Variants in STRN observed in about 807,000 individuals in gnomAD.
STRN encodes the protein striatin.
STRN carries 53 observed loss-of-function variants against 96.3 expected under a neutral mutation model. The observed-to-expected ratio is 0.55, with a 90% CI of 0.44 to 0.69. The LOEUF is 0.69. Ranked by LOEUF, STRN falls within the 30% of genes least tolerant of loss-of-function variation. The pLI is 0.00. For synonymous variants in STRN, 428 were observed against 355.9 expected, an observed-to-expected ratio of 1.20 and a Z score of -2.28; for missense variants, 987 against 963.9, an observed-to-expected ratio of 1.02 and a Z score of -0.32.
intron 1 of STRN, among the ~76,000 whole-genome samples, chr2:36,949,556 C>G (rs1664701273): frequency 6.6e-6 from 1 of 152,040 alleles, no homozygotes; most frequent in Non-Finnish European, 1.5e-5. Context: ...ATGAGGTAAC[C>G]AGGGAAGAAG....
intron 13 of STRN, among the ~76,000 whole-genome samples, chr2:36,860,276 G>A (rs1226890676): frequency 6.6e-6 from 1 of 152,134 alleles, no homozygotes; most frequent in East Asian, 1.9e-4. Context: ...GACTGGCCTA[G>A]GACAGAATGA....
At chr2:36,946,138 G>T (rs1320775072) in intron 1 of STRN, among the ~76,000 whole-genome samples, 1 of 151,220 alleles carries the variant, frequency 6.6e-6, no homozygotes, top group Admixed American at 6.6e-5. Flanking sequence ...ATTTCCAGTT[G>T]ATTTTTTTCT....
chr2:36,934,630 C>G (rs1037933546), intron 1 of STRN, among the ~76,000 whole-genome samples: 1 of 152,212 alleles, frequency 6.6e-6, no homozygotes, highest in African/African-American at 2.4e-5. Context: ...AACATTCAGT[C>G]TTTATGTATA....
intron 1 of STRN, among the ~76,000 whole-genome samples, chr2:36,928,084 T>TC (rs1558656845): frequency 1.3e-5 from 2 of 152,158 alleles, no homozygotes; most frequent in East Asian, 1.9e-4. Flanking sequence ...ACCTTTTTTT[T>TC]CTCTAGGAAA....
chr2:36,903,521 A>G (rs1453481802), intron 4 of STRN, among the ~76,000 whole-genome samples: 1 of 152,040 alleles, frequency 6.6e-6, no homozygotes, highest in African/African-American at 2.4e-5. Flanking sequence ...CAAAAGTGGC[A>G]GTGGGAAGAC....
intron 1 of STRN, among the ~76,000 whole-genome samples, chr2:36,925,910 T>C (rs1670397152): frequency 6.6e-6 from 1 of 152,244 alleles, no homozygotes; most frequent in Non-Finnish European, 1.5e-5. Context: ...TCAGTTCTTA[T>C]AATCCCCTTG....
Position 36,893,977 on chromosome 2 carries a change from A to T in STRN, c.852T>A (p.Ala284=). 6.2e-7 allele frequency: 1 copy of T among 1,613,518 alleles called. No homozygotes were observed. Among genetic ancestry groups the T allele is most frequent in the Non-Finnish European group, 8.5e-7 (1 of 1,179,828 alleles). The change falls in exon 7 of 18, where the codon GCT becomes GCA. Residue 284 remains alanine (A), a synonymous_variant. Transcript: ENST00000263918. ...TAACCAAGAAGTCAAACTCCTTTAG[A>T]GCTTCTTTTGTATCTCGATCTTCAC... ...DSGEDRDTKE[A]LKEFDFLVTS... is the part of the protein sequence containing the mutation.
At chr2:36,902,498 C>T in intron 5 of STRN, 86 bp downstream of exon 5, 6 of 1,070,664 alleles carry the variant, frequency 5.6e-6, no homozygotes, top group Admixed American at 2.8e-5. Flanking sequence ...ATGTCACTAC[C>T]TAAAAGTACA....
intron 3 of STRN, among the ~76,000 whole-genome samples, chr2:36,906,315 T>C (rs1389761475): frequency 2.0e-5 from 3 of 151,550 alleles, no homozygotes; most frequent in African/African-American, 7.3e-5. Flanking sequence ...AAAAATTATC[T>C]GGGCATAGTG....
rs749769439 is a variant in STRN at position 36,916,060 on chromosome 2, C to G, written c.412+18G>C. Reference sequence around the variant, plus strand: ...TAACTTCTTTTTAACACTTAAACTTCCATTAAAATTAGCTTACCAGAATCA... The same window carrying G: ...TAACTTCTTTTTAACACTTAAACTTGCATTAAAATTAGCTTACCAGAATCA... On this transcript the variant is annotated intron_variant, in intron 3 of 17. Coordinates refer to ENST00000263918, the MANE Select transcript of STRN (RefSeq NM_003162.4). The G allele has an allele frequency of 3.1e-6, 5 of 1,599,750 alleles. No homozygotes were observed. The Admixed American group carries it at 6.7e-5, about 21-fold the overall frequency.
At chr2:36,898,690 T>G (rs895666201) in intron 6 of STRN, among the ~76,000 whole-genome samples, 1 of 152,208 alleles carries the variant, frequency 6.6e-6, no homozygotes, top group African/African-American at 2.4e-5. Flanking sequence ...ACACAAATAG[T>G]GGCAGAACTG....
intron 14 of STRN, among the ~76,000 whole-genome samples, chr2:36,855,571 C>G (rs1439186944): frequency 1.3e-5 from 2 of 152,118 alleles, no homozygotes; most frequent in Non-Finnish European, 2.9e-5. Context: ...AGATCTTCTA[C>G]CTGTTACTCA....
At chr2:36,924,355 CAAAAAAAAAA>C (rs143310395) in intron 2 of STRN, among the ~76,000 whole-genome samples, 1 of 103,324 alleles carries the variant, frequency 9.7e-6, no homozygotes, top group African/African-American at 3.5e-5. Flanking sequence ...GACTCCGTTT[CAAAAAAAAAA>C]AAAAAAAAGT....
At chr2:36,913,225 G>A (rs1572669759) in intron 3 of STRN, among the ~76,000 whole-genome samples, 1 of 152,116 alleles carries the variant, frequency 6.6e-6, no homozygotes, top group African/African-American at 2.4e-5. Flanking sequence ...TCCTTCAAAT[G>A]CTTATTATAT....
chr2:36,966,208 G>A (rs1242987991), intron 1 of STRN, 22 bp downstream of exon 1: 3 of 1,530,970 alleles, frequency 2.0e-6, no homozygotes, highest in Non-Finnish European at 2.6e-6. Flanking sequence ...GATGAAGACG[G>A]CCAGGCCGGG....
intron 3 of STRN, among the ~76,000 whole-genome samples, chr2:36,911,760 G>A (rs531755971): frequency 1.3e-5 from 2 of 151,572 alleles, no homozygotes; most frequent in South Asian, 2.1e-4. Flanking sequence ...TTTTCTCTCC[G>A]TGAATTCAAC....
chr2:36,925,602 C>G (rs1670388465), intron 1 of STRN, among the ~76,000 whole-genome samples: 1 of 151,376 alleles, frequency 6.6e-6, no homozygotes, highest in African/African-American at 2.4e-5. Context: ...CATGGTGAAA[C>G]CCTGTCTCTA....
chr2:36,862,174 G>C (rs1195262318), intron 12 of STRN, among the ~76,000 whole-genome samples: 1 of 152,120 alleles, frequency 6.6e-6, no homozygotes, highest in Non-Finnish European at 1.5e-5. Context: ...CCGATGATGG[G>C]CATTTAGGGT....
intron 10 of STRN, among the ~76,000 whole-genome samples, chr2:36,874,736 A>G (rs556758036): frequency 2.2e-4 from 33 of 151,402 alleles, no homozygotes; most frequent in Non-Finnish European, 1.5e-5. Flanking sequence ...AAAAAAAAAA[A>G]AAAACACCTC....
Sources: allele counts gnomAD v4.1 joint callset (sites outside exome capture counted in the v4.1 genomes callset), GRCh38; gene constraint gnomAD v4.1.1; transcripts MANE v1.5; gene names NCBI Gene and HGNC (gene_info 2026-07-23, HGNC 2026-07-21).